The following C12orf42 variants were observed in gnomAD, a reference collection of about 807,000 sequenced individuals.
C12orf42 encodes uncharacterized protein C12orf42.
In C12orf42, 25 loss-of-function variants were observed where a neutral mutation model predicts 21.6. The ratio of observed to expected loss-of-function variants is 1.16; its 90% CI spans 0.84 to 1.62. The LOEUF (loss-of-function observed/expected upper bound fraction) is 1.62, where lower values mean the gene tolerates loss of function less well. Among genes scored for constraint, C12orf42 ranks in the 40% most tolerant of loss-of-function variants. The pLI is 0.00. For synonymous variants in C12orf42, 174 were observed against 175.0 expected (o/e 0.99, Z 0.05); for missense variants, 483 against 459.3 (o/e 1.05, Z -0.47).
chr12:103,383,990 T>C (rs1215891885), intron 3 of C12orf42, among the ~76,000 whole-genome samples: 1 of 152,198 alleles, frequency 6.6e-6, no homozygotes, highest in East Asian at 1.9e-4. Flanking sequence ...CAGAAAGAAC[T>C]GTCTCAAGCC....
At chr12:103,361,350 G>C (rs1251362658) in intron 4 of C12orf42, among the ~76,000 whole-genome samples, 1 of 152,118 alleles carries the variant, frequency 6.6e-6, no homozygotes, top group Non-Finnish European at 1.5e-5. Flanking sequence ...TACAGGGGTA[G>C]AGGAAGCAGC....
intron 4 of C12orf42, among the ~76,000 whole-genome samples, chr12:103,368,606 G>A (rs2044856860): frequency 6.6e-6 from 1 of 152,042 alleles, no homozygotes. Flanking sequence ...GCATGTTATT[G>A]CTATCCTTTT....
intron 2 of C12orf42, among the ~76,000 whole-genome samples, chr12:103,475,880 C>T (rs1200281053): frequency 4.6e-5 from 7 of 152,134 alleles, no homozygotes; most frequent in African/African-American, 1.7e-4. Flanking sequence ...CAGATGAAGC[C>T]TCAGAATCTT....
At chr12:103,522,463 G>A in the C12orf42 span, among the ~76,000 whole-genome samples, 1 of 152,210 alleles carries the variant, frequency 6.6e-6, no homozygotes, top group East Asian at 1.9e-4. Context: ...GAGCCATTTG[G>A]CAACATTGCA....
chr12:103,410,221 A>G (rs1442960696), intron 2 of C12orf42, among the ~76,000 whole-genome samples: 1 of 152,166 alleles, frequency 6.6e-6, no homozygotes, highest in Non-Finnish European at 1.5e-5. Context: ...TTCCAGGGAG[A>G]CAATATTTTC....
chr12:103,319,456 G>A (rs529497427), intron 4 of C12orf42, among the ~76,000 whole-genome samples: 1 of 152,276 alleles, frequency 6.6e-6, no homozygotes, highest in East Asian at 1.9e-4. Context: ...ATATTATTTT[G>A]AAATTTAGAG....
At chr12:103,308,905 C>A (rs2038659800) in intron 4 of C12orf42, among the ~76,000 whole-genome samples, 1 of 152,036 alleles carries the variant, frequency 6.6e-6, no homozygotes, top group Admixed American at 6.6e-5. Flanking sequence ...ATAACGAAGG[C>A]AGAGATTGGA....
Position 103,293,394 on chromosome 12 carries a change from T to TC in C12orf42, n.338-16185dup, listed in dbSNP as rs140090881. On this transcript the variant is annotated intron_variant and non_coding_transcript_variant, in intron 4 of 6. Coordinates refer to the C12orf42 transcript ENST00000546526. ...TGTTGTATTCTATTCCTGAAAGAGC[T>TC]CCCCTCAAAATGTATAAGCTTCAGG... 7.6e-3 allele frequency among the ~76,000 whole-genome samples: 1,159 copies of TC among 152,190 alleles called. 14 individuals are homozygous for TC. The highest frequency in any genetic ancestry group is 0.02 in the African/African-American group (819 of 41,538).
the C12orf42 span, among the ~76,000 whole-genome samples, chr12:103,078,170 G>T: frequency 3.9e-5 from 6 of 152,110 alleles, no homozygotes; most frequent in African/African-American, 1.4e-4. Flanking sequence ...TGCCTTTTAT[G>T]TACAAGGTTT....
At chr12:103,065,081 A>G in the C12orf42 span, among the ~76,000 whole-genome samples, 1 of 152,196 alleles carries the variant, frequency 6.6e-6, no homozygotes, top group Non-Finnish European at 1.5e-5. Context: ...GCCTTTACCT[A>G]GAAACATACT....
At chr12:103,058,498 A>T in the C12orf42 span, among the ~76,000 whole-genome samples, 38 of 152,342 alleles carry the variant, frequency 2.5e-4, no homozygotes, top group African/African-American at 5.8e-4. Context: ...ATAGAAATCT[A>T]CAGAACTCTC....
At chr12:103,501,294 G>A in the C12orf42 span, among the ~76,000 whole-genome samples, 1 of 152,248 alleles carries the variant, frequency 6.6e-6, no homozygotes, top group African/African-American at 2.4e-5. Context: ...AAAAAAGGGG[G>A]GATAATTGAA....
chr12:103,328,766 T>C (rs1416588636), intron 4 of C12orf42, among the ~76,000 whole-genome samples: 3 of 152,230 alleles, frequency 2.0e-5, no homozygotes, highest in Non-Finnish European at 4.4e-5. Flanking sequence ...AGCCATGTTA[T>C]TGAAAGAAAG....
the C12orf42 span, among the ~76,000 whole-genome samples, chr12:103,553,750 A>G: frequency 1.3e-5 from 2 of 152,176 alleles, no homozygotes; most frequent in East Asian, 3.8e-4. Flanking sequence ...GTAAGTGCCC[A>G]GATGGTTCCT....
intron 5 of C12orf42, among the ~76,000 whole-genome samples, chr12:103,270,892 CATG>C (rs1376840763): frequency 6.6e-6 from 1 of 151,764 alleles, no homozygotes; most frequent in Non-Finnish European, 1.5e-5. Context: ...CAAAATATAA[CATG>C]ATACCTTTCT....
chr12:103,383,122 CT>C (rs10552452), intron 3 of C12orf42, among the ~76,000 whole-genome samples: 2,125 of 148,272 alleles, frequency 0.014, 51 homozygotes, highest in African/African-American at 0.047. Flanking sequence ...CTGACTCATT[CT>C]TTTTTTTTTT....
chr12:103,529,271 A>G, the C12orf42 span, among the ~76,000 whole-genome samples: 1 of 152,208 alleles, frequency 6.6e-6, no homozygotes, highest in African/African-American at 2.4e-5. Flanking sequence ...TAATAGCTGC[A>G]AATAGTAAAT....
the C12orf42 span, among the ~76,000 whole-genome samples, chr12:103,123,944 C>T: frequency 6.6e-6 from 1 of 151,954 alleles, no homozygotes; most frequent in Non-Finnish European, 1.5e-5. Flanking sequence ...AGCCATATAA[C>T]ACTTCAAGGT....
chr12:103,529,484 G>A, the C12orf42 span, among the ~76,000 whole-genome samples: 1 of 152,096 alleles, frequency 6.6e-6, no homozygotes, highest in Non-Finnish European at 1.5e-5. Context: ...TCCCTTCTCA[G>A]GATACCCGTT....
Sources: gnomAD v4.1 joint callset for allele counts (sites outside exome capture counted in the v4.1 genomes callset) on GRCh38, gnomAD v4.1.1 for gene constraint, MANE v1.5 for transcripts, NCBI Gene and HGNC (gene_info 2026-07-23, HGNC 2026-07-21) for gene names.